Variants in NRXN1 observed in about 807,000 individuals in gnomAD.
NRXN1 encodes neurexin 1.
NRXN1 carries 39 observed loss-of-function variants against 150.9 expected under a neutral mutation model. That is an observed-to-expected ratio of 0.26 (90% confidence interval 0.20 to 0.34). The LOEUF is 0.34. NRXN1 is among the 10% of genes least tolerant of loss of function. The pLI, the probability that NRXN1 is intolerant of heterozygous loss-of-function variation, is 1.00. For synonymous variants in NRXN1, 924 were observed against 757.0 expected (o/e 1.22, Z -3.62); for missense variants, 1,815 against 1,949.9 (o/e 0.93, Z 1.30).
At chr2:50,447,897 C>T (rs2086603202) in intron 17 of NRXN1, among the ~76,000 whole-genome samples, 1 of 150,694 alleles carries the variant, frequency 6.6e-6, no homozygotes, top group Non-Finnish European at 1.5e-5. Flanking sequence ...ATGGCAGAAG[C>T]CCCCCATGGG....
At position 50,524,212 on chromosome 2, in the gene NRXN1, C is replaced by T. The variant is rs138726520; in HGVS notation, c.2374+4413G>A. Among the ~76,000 whole-genome samples, 251 of 152,236 alleles carry T rather than the reference C, an allele frequency of 1.6e-3. 2 individuals are homozygous for T. Among genetic ancestry groups the T allele is most frequent in the African/African-American group, 5.8e-3 (242 of 41,554 alleles). On this transcript the variant is annotated intron_variant, in intron 12 of 22. Transcript: ENST00000401669. ...GTGTCCCTGAGGACGGGTGTGGTGG[C>T]TCACGCCTGTAATCCCAGCACTTTG...
At chr2:50,249,163 A>T (rs2066801039) in intron 17 of NRXN1, among the ~76,000 whole-genome samples, 3 of 151,864 alleles carry the variant, frequency 2.0e-5, no homozygotes, top group Non-Finnish European at 4.4e-5. Flanking sequence ...TCTTAAAAAA[A>T]AAAAAAGAAT....
intron 17 of NRXN1, among the ~76,000 whole-genome samples, chr2:50,340,391 T>C (rs530930929): frequency 7.2e-5 from 11 of 152,234 alleles, no homozygotes; most frequent in African/African-American, 2.4e-4. Flanking sequence ...AAAGACCAAA[T>C]GAAAGAAGCG....
At chr2:50,812,723 A>T (rs1156660675) in intron 5 of NRXN1, among the ~76,000 whole-genome samples, 3 of 146,004 alleles carry the variant, frequency 2.1e-5, no homozygotes, top group Admixed American at 1.4e-4. Flanking sequence ...AAATAATAAG[A>T]GTGTGTGTGT....
In NRXN1 at chr2:50,478,728, T is replaced by G. The variant is rs187163486; in HGVS notation, c.3071-6257A>C. ...CAAACCTTCATCATCTCCCTTGCTG[T>G]GAAATTACTTTTTCTAAACTTTCAT... On this transcript the variant is annotated intron_variant, in intron 15 of 22. Coordinates refer to ENST00000401669, the MANE Select transcript of NRXN1 (RefSeq NM_001330078.2). Among the ~76,000 whole-genome samples the G allele has an allele frequency of 5.9e-5, 9 of 152,302 alleles. 1 individual carries two copies. The highest frequency in any genetic ancestry group is 2.2e-4 in the African/African-American group (9 of 41,578).
chr2:50,852,123 T>A (rs1418724843), intron 5 of NRXN1, among the ~76,000 whole-genome samples: 1 of 152,138 alleles, frequency 6.6e-6, no homozygotes, highest in Non-Finnish European at 1.5e-5. Flanking sequence ...ACCCTTGGGA[T>A]ATAGAGATGC....
intron 17 of NRXN1, among the ~76,000 whole-genome samples, chr2:50,317,336 T>C (rs1410693950): frequency 1.3e-5 from 2 of 151,656 alleles, no homozygotes; most frequent in African/African-American, 2.4e-5. Context: ...CAAGAAATAA[T>C]TGAAAATGCA....
rs150956277 is a variant in NRXN1 at position 50,673,937 on chromosome 2, C to A, written c.833-50322G>T. ...ACCATCATTCTCATCAAACTCATCA[C>A]CCGCCTGTCAGGGGGTGGGGTGCTG... On this transcript the variant is annotated intron_variant, in intron 5 of 22. Coordinates refer to ENST00000401669, the MANE Select transcript of NRXN1 (RefSeq NM_001330078.2). Among the ~76,000 whole-genome samples the A allele has an allele frequency of 8.3e-3, 1,263 of 152,014 alleles. 12 individuals are homozygous for A. The highest frequency in any genetic ancestry group is 0.011 in the Non-Finnish European group (756 of 67,922).
chr2:50,182,546 T>A (rs2060800353), intron 18 of NRXN1, among the ~76,000 whole-genome samples: 1 of 152,094 alleles, frequency 6.6e-6, no homozygotes, highest in Admixed American at 6.6e-5. Context: ...AGGCATGAAT[T>A]CAAATTTGTC....
At chr2:50,747,604 A>T (rs1276849382) in intron 5 of NRXN1, among the ~76,000 whole-genome samples, 1 of 152,080 alleles carries the variant, frequency 6.6e-6, no homozygotes, top group Admixed American at 6.6e-5. Flanking sequence ...GCCACACTTG[A>T]TCTATCTCAT....
chr2:50,147,013 G>T (rs544242107), intron 18 of NRXN1, among the ~76,000 whole-genome samples: 28 of 151,688 alleles, frequency 1.8e-4, no homozygotes, highest in African/African-American at 6.8e-4. Context: ...GAATAATTTT[G>T]TTAATTTTAT....
intron 5 of NRXN1, among the ~76,000 whole-genome samples, chr2:50,743,233 G>A (rs561423982): frequency 1.3e-5 from 2 of 152,250 alleles, no homozygotes; most frequent in Admixed American, 1.3e-4. Context: ...GTTGCTATCA[G>A]TTTGTACAAC....
intron 5 of NRXN1, among the ~76,000 whole-genome samples, chr2:50,788,168 G>GCT: frequency 1.3e-5 from 2 of 151,358 alleles, no homozygotes; most frequent in South Asian, 4.2e-4. Context: ...CTCACTGTGA[G>GCT]CTCCGCCTCC....
At chr2:50,417,696 G>C (rs1446101299) in intron 17 of NRXN1, among the ~76,000 whole-genome samples, 1 of 151,792 alleles carries the variant, frequency 6.6e-6, no homozygotes, top group Non-Finnish European at 1.5e-5. Flanking sequence ...CTTGTTTGGT[G>C]GGGAGGGAGA....
intron 18 of NRXN1, among the ~76,000 whole-genome samples, chr2:50,174,197 T>G (rs1235411998): frequency 6.6e-6 from 1 of 151,972 alleles, no homozygotes; most frequent in African/African-American, 2.4e-5. Flanking sequence ...TTTTAAAAAA[T>G]ACAAAAAAGA....
chr2:50,586,898 T>C (rs1673209678), intron 8 of NRXN1, among the ~76,000 whole-genome samples: 2 of 152,222 alleles, frequency 1.3e-5, no homozygotes, highest in Admixed American at 1.3e-4. Flanking sequence ...AGATTCCTGG[T>C]TTATGCTAGA....
intron 17 of NRXN1, among the ~76,000 whole-genome samples, chr2:50,294,928 A>G (rs1355497478): frequency 6.6e-6 from 1 of 152,228 alleles, no homozygotes; most frequent in Admixed American, 6.5e-5. Context: ...GACGAGACAG[A>G]ATAAAGAGGG....
intron 5 of NRXN1, among the ~76,000 whole-genome samples, chr2:50,884,059 A>C (rs1437688458): frequency 6.6e-6 from 1 of 151,788 alleles, no homozygotes; most frequent in Non-Finnish European, 1.5e-5. Context: ...ATAAAAAGTT[A>C]AGAAGGTAAA....
At chr2:50,625,599 T>A (rs1680877923) in intron 5 of NRXN1, among the ~76,000 whole-genome samples, 1 of 152,096 alleles carries the variant, frequency 6.6e-6, no homozygotes, top group Non-Finnish European at 1.5e-5. Context: ...CCCTGGTCAG[T>A]CCAACATGGC....
Sources: gnomAD v4.1 joint callset for allele counts (sites outside exome capture counted in the v4.1 genomes callset) on GRCh38, gnomAD v4.1.1 for gene constraint, MANE v1.5 for transcripts, NCBI Gene and HGNC (gene_info 2026-07-23, HGNC 2026-07-21) for gene names.